TMIGD3: variants seen among roughly 807,000 people sequenced by gnomAD.
TMIGD3 encodes transmembrane and immunoglobulin domain containing 3, also known as AD026 protein (AD026).
Under a neutral mutation model 28.1 loss-of-function variants are expected in TMIGD3, and 21 were observed. The observed-to-expected ratio is 0.75, with a 90% CI of 0.53 to 1.08. The LOEUF is 1.08. Among genes scored for constraint, TMIGD3 ranks in the 50% least tolerant of loss-of-function variants. The probability of loss-of-function intolerance (pLI) is 0.00; values close to 1 mark genes in which losing one functional copy is unlikely to be tolerated. For synonymous variants in TMIGD3, 151 were observed against 162.1 expected, an observed-to-expected ratio of 0.93 and a Z score of 0.52; for missense variants, 416 against 435.6, an observed-to-expected ratio of 0.96 and a Z score of 0.40.
chr1:111,542,060 C>T (rs943219036), intron 1 of TMIGD3, among the ~76,000 whole-genome samples: 2 of 149,520 alleles, frequency 1.3e-5, no homozygotes, highest in African/African-American at 2.5e-5. Context: ...CTCTTAACAG[C>T]TTAACTCAGG....
upstream of TMIGD3, among the ~76,000 whole-genome samples, chr1:111,506,543 T>C (rs995966419): frequency 1.3e-5 from 2 of 152,268 alleles, no homozygotes; most frequent in Non-Finnish European, 2.9e-5. Flanking sequence ...CCCAGGCTTC[T>C]GCTTCGGAGC....
intron 1 of TMIGD3, among the ~76,000 whole-genome samples, chr1:111,549,778 A>G (rs1006137718): frequency 6.6e-6 from 1 of 152,066 alleles, no homozygotes; most frequent in Non-Finnish European, 1.5e-5. Flanking sequence ...CCCCCCATGT[A>G]TCTAGAGCTA....
chr1:111,489,372 C>A (rs962319923), intron 2 of TMIGD3: 3 of 273,600 alleles, frequency 1.1e-5, no homozygotes, highest in Non-Finnish European at 2.1e-5. Context: ...AGAGGAATGG[C>A]CCATGAGGAC....
At chr1:111,529,864 G>C (rs370955543) in intron 1 of TMIGD3, among the ~76,000 whole-genome samples, 1 of 151,712 alleles carries the variant, frequency 6.6e-6, no homozygotes, top group East Asian at 1.9e-4. Flanking sequence ...ATCATGGCCC[G>C]TTCTCAATGA....
At chr1:111,563,760 A>G in intron 1 of TMIGD3, 3 of 950,372 alleles carry the variant, frequency 3.2e-6, no homozygotes, top group Non-Finnish European at 5.0e-6. Flanking sequence ...GCCCCATATC[A>G]TGAATAAATG....
At chr1:111,562,061 ACC>A (rs1188822139) in intron 1 of TMIGD3, among the ~76,000 whole-genome samples, 2 of 152,012 alleles carry the variant, frequency 1.3e-5, no homozygotes, top group African/African-American at 4.8e-5. Context: ...TGGGACAGCC[ACC>A]CCACCCTGTG....
In TMIGD3 at chr1:111,522,518, C is replaced by CTTT. The variant is rs1375113931; in HGVS notation, c.108-31759_108-31757dup. On this transcript the variant is annotated intron_variant, in intron 1 of 5. Coordinates refer to the TMIGD3 transcript ENST00000369717. The stretch of plus-strand genomic sequence containing the variant: ...ATGTACTCTTAAGTATTGTTTGTTG[C>CTTT]TTTTTTTTTTTTTTTTGAGACAGAG... Among the ~76,000 whole-genome samples, 50 of 135,674 alleles carry CTTT rather than the reference C, an allele frequency of 3.7e-4. 1 individual carries two copies. The highest frequency in any genetic ancestry group is 1.3e-3 in the African/African-American group (47 of 37,024). The allele number at this position is 135,674 out of a possible 152,430, so 89.0% of individuals were successfully genotyped here.
chr1:111,558,546 C>T (rs1490383211), intron 1 of TMIGD3, among the ~76,000 whole-genome samples: 1 of 152,070 alleles, frequency 6.6e-6, no homozygotes, highest in Non-Finnish European at 1.5e-5. Context: ...AAGGTGAACA[C>T]TCAGAACAAA....
intron 1 of TMIGD3, among the ~76,000 whole-genome samples, chr1:111,561,985 C>T: frequency 6.6e-6 from 1 of 152,124 alleles, no homozygotes; most frequent in East Asian, 1.9e-4. Flanking sequence ...TAAATTTCTG[C>T]TTACGATAGA....
chr1:111,533,307 T>C (rs1557838949), intron 1 of TMIGD3, among the ~76,000 whole-genome samples: 1 of 152,224 alleles, frequency 6.6e-6, no homozygotes, highest in Admixed American at 6.5e-5. Context: ...ATCTGTTCAA[T>C]ATTTTTAACT....
chr1:111,554,087 C>CT (rs1320926194), intron 1 of TMIGD3, among the ~76,000 whole-genome samples: 1 of 152,232 alleles, frequency 6.6e-6, no homozygotes, highest in Non-Finnish European at 1.5e-5. Flanking sequence ...ATCCCCACCA[C>CT]TTATTAGCTA....
At chr1:111,515,806 A>T (rs1571428683) in intron 1 of TMIGD3, among the ~76,000 whole-genome samples, 1 of 152,138 alleles carries the variant, frequency 6.6e-6, no homozygotes, top group African/African-American at 2.4e-5. Flanking sequence ...CAATTTGAGG[A>T]TGCTGGTGCT....
intron 1 of TMIGD3, chr1:111,499,318 A>G: frequency 1.7e-6 from 1 of 574,892 alleles, no homozygotes. Flanking sequence ...GCTAAGAGTA[A>G]GAAGGTGAGT....
rs74873574 is a variant in TMIGD3 at position 111,517,903 on chromosome 1, A to G, written c.108-27141T>C. Among the ~76,000 whole-genome samples, 1,517 of 152,216 alleles carry G rather than the reference A, an allele frequency of 1.0e-2. 36 individuals carry two copies. Among genetic ancestry groups the G allele is most frequent in the South Asian group, 0.095 (456 of 4,814 alleles). Reference sequence around the variant, plus strand: ...CCCTCTCAGCATTAGCCTCATAATGACTCCCCAGTAATAACAGCAAATATT... The same window carrying G: ...CCCTCTCAGCATTAGCCTCATAATGGCTCCCCAGTAATAACAGCAAATATT... On this transcript the variant is annotated intron_variant, in intron 1 of 5. Transcript: ENST00000369717.
At chr1:111,549,036 A>G (rs1037937865) in intron 1 of TMIGD3, among the ~76,000 whole-genome samples, 2 of 152,324 alleles carry the variant, frequency 1.3e-5, no homozygotes, top group East Asian at 1.9e-4. Context: ...ACTTTTGAAG[A>G]TCCCTCAGAT....
chr1:111,485,718 T>G, intron 5 of TMIGD3, 22 bp downstream of exon 5: 20 of 465,658 alleles, frequency 4.3e-5, no homozygotes, highest in Non-Finnish European at 6.8e-5. Flanking sequence ...GCCCACCCCC[T>G]CCCTCAACAA....
intron 1 of TMIGD3, among the ~76,000 whole-genome samples, chr1:111,545,855 C>T (rs141317575): frequency 9.1e-4 from 139 of 152,224 alleles, no homozygotes; most frequent in African/African-American, 3.2e-3. Flanking sequence ...TCAGTTGTCC[C>T]AGCACCATTT....
rs976187790 is a variant in TMIGD3 at position 111,488,966 on chromosome 1, G to T, written c.516C>A (p.Ala172=). Residue 172 remains alanine (A), a synonymous_variant, in exon 3 of 6, where the codon GCC becomes GCA. Transcript: ENST00000369716. The part of the protein sequence containing the change: ...KRSFVLDTAS[A]ICNYNAHYKN... ...TGTAGTGGGCATTGTAGTTGCAGAT[G>T]GCAGAAGCCGTGTCCAGCACAAAGC... is the stretch of plus-strand genomic sequence containing the variant. 1 of 1,614,140 alleles carries T rather than the reference G, an allele frequency of 6.2e-7. No individual in the cohort carries two copies. Among genetic ancestry groups the T allele is most frequent in the East Asian group, 2.2e-5 (1 of 44,878 alleles).
chr1:111,543,744 A>G lies in TMIGD3; in HGVS notation c.107+20102T>C, dbSNP rs977165452. Among the ~76,000 whole-genome samples, 3 of 152,106 alleles carry G rather than the reference A, an allele frequency of 2.0e-5. 1 individual carries two copies. The highest frequency in any genetic ancestry group is 6.8e-3 in the Middle Eastern group (2 of 294). Reference sequence around the variant, plus strand: ...GAAAGAGGAGGAGGAAGAGGAGGGAAGAAGCCCTACTGCAGATTGGACAGC... The same window carrying G: ...GAAAGAGGAGGAGGAAGAGGAGGGAGGAAGCCCTACTGCAGATTGGACAGC... On this transcript the variant is annotated intron_variant, in intron 1 of 5. Coordinates refer to the TMIGD3 transcript ENST00000369717.
Sources: allele counts gnomAD v4.1 joint callset (sites outside exome capture counted in the v4.1 genomes callset), GRCh38; gene constraint gnomAD v4.1.1; transcripts MANE v1.5; gene names NCBI Gene and HGNC (gene_info 2026-07-23, HGNC 2026-07-21).